CARF: variants seen among roughly 807,000 people sequenced by gnomAD.
The protein encoded by CARF is calcium-responsive transcription factor.
A neutral mutation model predicts 82.0 loss-of-function variants in CARF; 57 were observed. The observed-to-expected ratio is 0.70, with a 90% CI of 0.56 to 0.87. The LOEUF is 0.87. Ranked by LOEUF, CARF falls within the 40% of genes least tolerant of loss-of-function variation. The pLI, the probability that CARF is intolerant of heterozygous loss-of-function variation, is 0.00. For synonymous variants in CARF, 268 were observed against 290.1 expected, an observed-to-expected ratio of 0.92 and a Z score of 0.77; for missense variants, 771 against 855.8, an observed-to-expected ratio of 0.90 and a Z score of 1.24.
chr2:202,955,851 C>A, intron 8 of CARF, 93 bp downstream of exon 8: 1 of 739,696 alleles, frequency 1.4e-6, no homozygotes, highest in South Asian at 2.1e-5. Flanking sequence ...CTAATATAGT[C>A]TATAGTTACA....
At chr2:202,967,877 T>C (rs2059618474) in intron 10 of CARF, among the ~76,000 whole-genome samples, 1 of 152,208 alleles carries the variant, frequency 6.6e-6, no homozygotes, top group East Asian at 1.9e-4. Context: ...AGATTAGGAC[T>C]ACAGAGTAGT....
rs1310865999 is a variant in CARF at position 202,952,641 on chromosome 2, T to C, written c.389T>C (p.Ile130Thr). ...PTQTGMAQVI[I>T]PQGQLVDVNS... ...CAGACAGGAATGGCACAAGTGATTA[T>C]ACCTCAGGGGCAACTTGTGGATGTG... is the stretch of plus-strand genomic sequence containing the variant. The change falls in exon 6 of 17, where the codon ATA (isoleucine) becomes ACA (threonine). Residue 130 changes from isoleucine (I) to threonine (T), a missense_variant. Transcript: ENST00000438828. 39 of 1,613,948 alleles carry C rather than the reference T, an allele frequency of 2.4e-5. No homozygotes were observed. Among genetic ancestry groups the C allele is most frequent in the Non-Finnish European group, 3.1e-5 (37 of 1,179,934 alleles).
intron 2 of CARF, among the ~76,000 whole-genome samples, chr2:202,920,762 GA>G (rs996057866): frequency 1.3e-5 from 2 of 151,790 alleles, no homozygotes; most frequent in African/African-American, 4.8e-5. Flanking sequence ...TTCCTAATAG[GA>G]AAAAAGCAAG....
chr2:202,914,156 T>TTAA (rs1473773343), intron 1 of CARF, among the ~76,000 whole-genome samples: 4 of 152,202 alleles, frequency 2.6e-5, no homozygotes, highest in Admixed American at 2.6e-4. Context: ...AATTGCAAGC[T>TTAA]TTTGGTTGGT....
In CARF at chr2:202,942,838, A is replaced by G. The variant is rs769072780; in HGVS notation, c.177A>G (p.Ile59Met). ...ITTREANNSL[I>M]SQNIPGPLTQ... ...CTCGTGAAGCAAATAATTCACTCAT[A>G]TCACAGAATATACCAGGGCCCCTGA... The change falls in exon 5 of 17, where the codon ATA becomes ATG. Residue 59 changes from isoleucine to methionine, a missense_variant. By Grantham distance (10) the Ile-to-Met change is conservative. Transcript: ENST00000438828. 2.5e-6 allele frequency: 4 copies of G among 1,614,098 alleles called. No homozygotes were observed. In the South Asian group the frequency reaches 4.4e-5, roughly 18 times the overall value.
At chr2:202,960,274 G>A (rs2059247293) in intron 8 of CARF, among the ~76,000 whole-genome samples, 1 of 150,324 alleles carries the variant, frequency 6.7e-6, no homozygotes, top group Non-Finnish European at 1.5e-5. Context: ...TTTTTAGACA[G>A]AGTCTTGCTC....
In CARF at chr2:202,985,575, A is replaced by G. The variant is rs1183531490; in HGVS notation, c.*1951A>G. On this transcript the variant is annotated 3_prime_UTR_variant, in exon 17 of 17. Transcript: ENST00000438828. Reference sequence around the variant, plus strand: ...TTAATTATGTTACACTAAGTTAAACACAGCACTTAATTACCTCAAATCCAG... The same window carrying G: ...TTAATTATGTTACACTAAGTTAAACGCAGCACTTAATTACCTCAAATCCAG... The G allele has an allele frequency of 6.6e-6, 1 of 152,196 alleles. No homozygotes were observed. The highest frequency in any genetic ancestry group is 1.5e-5 in the Non-Finnish European group (1 of 68,008). The allele number at this position is 152,196 out of a possible 1,614,324, so 9.4% of individuals were successfully genotyped here. A position where few individuals can be genotyped will look rare whatever the true frequency, so the allele number is the denominator to read the frequency against.
chr2:202,936,505 A>G (rs1180266352), intron 3 of CARF, among the ~76,000 whole-genome samples: 1 of 152,194 alleles, frequency 6.6e-6, no homozygotes, highest in African/African-American at 2.4e-5. Context: ...TGGATATTTT[A>G]TGTAAATAGA....
At chr2:202,964,274 G>T (rs922377291) in intron 9 of CARF, among the ~76,000 whole-genome samples, 7 of 151,640 alleles carry the variant, frequency 4.6e-5, no homozygotes, top group Non-Finnish European at 1.0e-4. Flanking sequence ...AAAAATCTTT[G>T]TTTGTTTGTT....
chr2:202,929,177 G>T (rs1271410627), intron 3 of CARF, among the ~76,000 whole-genome samples: 1 of 152,070 alleles, frequency 6.6e-6, no homozygotes, highest in Non-Finnish European at 1.5e-5. Flanking sequence ...TGTTTAGTTT[G>T]CTGTACAAAA....
intron 7 of CARF, among the ~76,000 whole-genome samples, chr2:202,954,748 A>G (rs116678869): frequency 0.093 from 13,448 of 145,008 alleles, 727 homozygotes; most frequent in Non-Finnish European, 0.13. Context: ...AGTGGCTTAT[A>G]CCTGTAATCC....
chr2:202,978,611 A>G (rs2060126909), intron 14 of CARF, among the ~76,000 whole-genome samples: 1 of 152,230 alleles, frequency 6.6e-6, no homozygotes, highest in African/African-American at 2.4e-5. Flanking sequence ...ATTGCCAGAT[A>G]CAGGTGAAGG....
In CARF at chr2:202,974,416, A is replaced by G. The variant is rs765950626; in HGVS notation, c.1414A>G (p.Ile472Val). 2 of 1,611,672 alleles carry G rather than the reference A, an allele frequency of 1.2e-6. No homozygotes were observed. The highest frequency in any genetic ancestry group is 1.1e-5 in the South Asian group (1 of 90,398). ...ATCTTTTTTTCCAACTGTAAATGAT[A>G]TAAAAAATCACATCCATGAGGTACA... ...NLSFFPTVND[I>V]KNHIHEVQKS... Residue 472 changes from isoleucine to valine, a missense_variant, in exon 13 of 17, where the codon ATA becomes GTA. Transcript: ENST00000438828.
intron 3 of CARF, among the ~76,000 whole-genome samples, chr2:202,936,705 A>G (rs1274082150): frequency 6.6e-6 from 1 of 152,210 alleles, no homozygotes; most frequent in Non-Finnish European, 1.5e-5. Flanking sequence ...TACATATTCC[A>G]GACCCTTATC....
rs754703414 is a variant in CARF at position 202,961,423 on chromosome 2, G to A, written c.829G>A (p.Ala277Thr). The A allele has an allele frequency of 2.5e-6, 4 of 1,613,302 alleles. No individual in the cohort carries two copies. The highest frequency in any genetic ancestry group is 2.5e-6 in the Non-Finnish European group (3 of 1,179,382). The change falls in exon 9 of 17, where the codon GCA (alanine) becomes ACA (threonine). Residue 277 changes from alanine (A) to threonine (T), a missense_variant. Ala to Thr is a moderately conservative substitution (Grantham distance 58, BLOSUM62 0). Transcript: ENST00000438828. ...VPYDGIPFVN[A>T]GSRAVVMECQ... The stretch of plus-strand genomic sequence containing the variant: ...ATATGATGGAATCCCATTTGTTAAT[G>A]CAGGTACTTTTTTAAAGAATTATTT...
At position 202,984,472 on chromosome 2, in the gene CARF, A is replaced by G. The variant is rs2060372309; in HGVS notation, c.*848A>G. 6.6e-6 allele frequency: 1 copy of G among 152,166 alleles called. No individual in the cohort carries two copies. Among genetic ancestry groups the G allele is most frequent in the African/African-American group, 2.4e-5 (1 of 41,444 alleles). 9.4% of individuals were successfully genotyped at this position (152,166 alleles called of 1,614,324 possible). On this transcript the variant is annotated 3_prime_UTR_variant, in exon 17 of 17. Transcript: ENST00000438828. ...TTGGTGTTTACAGATAATTTGGAAA[A>G]CTTTTTGATGACAGCAGAGGATTTT...
chr2:202,974,905 T>A (rs72928613), intron 13 of CARF, among the ~76,000 whole-genome samples: 13,854 of 151,522 alleles, frequency 0.091, 751 homozygotes, highest in Non-Finnish European at 0.13. Context: ...TCTCAAAAAA[T>A]ATATATATAT....
At chr2:202,922,334 C>A (rs1265584150) in intron 2 of CARF, among the ~76,000 whole-genome samples, 2 of 152,048 alleles carry the variant, frequency 1.3e-5, no homozygotes, top group Non-Finnish European at 2.9e-5. Flanking sequence ...CCAGGTTGGT[C>A]TTGAACTCCT....
chr2:202,917,785 G>A (rs1690017853), intron 1 of CARF, 92 bp from the exon 2 acceptor site: 4 of 213,554 alleles, frequency 1.9e-5, no homozygotes, highest in Non-Finnish European at 3.8e-5. Context: ...GCTGATAATG[G>A]TTATTTTAAA....
Sources: gnomAD v4.1 joint callset for allele counts (sites outside exome capture counted in the v4.1 genomes callset) on GRCh38, gnomAD v4.1.1 for gene constraint, MANE v1.5 for transcripts, NCBI Gene and HGNC (gene_info 2026-07-23, HGNC 2026-07-21) for gene names.